NCOA3: variants seen among roughly 807,000 people sequenced by gnomAD.
NCOA3 encodes the protein nuclear receptor coactivator 3.
NCOA3 carries 51 observed loss-of-function variants against 158.8 expected under a neutral mutation model. The ratio of observed to expected loss-of-function variants is 0.32; its 90% CI spans 0.26 to 0.41. NCOA3 has a LOEUF of 0.41. Among genes scored for constraint, NCOA3 ranks in the 10% least tolerant of loss-of-function variants. NCOA3 has a pLI of 1.00. For synonymous variants in NCOA3, 537 were observed against 592.4 expected, an observed-to-expected ratio of 0.91 and a Z score of 1.36; for missense variants, 1,510 against 1,746.6, an observed-to-expected ratio of 0.86 and a Z score of 2.41.
chr20:47,642,141 A>G (rs1187998037), intron 16 of NCOA3, 72 bp from the exon 17 acceptor site: 7 of 1,118,224 alleles, frequency 6.3e-6, no homozygotes, highest in African/African-American at 4.7e-5. Flanking sequence ...AATACTATGC[A>G]TGGTTGCTGT....
intron 2 of NCOA3, among the ~76,000 whole-genome samples, chr20:47,603,075 T>C (rs776943604): frequency 6.6e-6 from 1 of 152,218 alleles, no homozygotes; most frequent in African/African-American, 2.4e-5. Flanking sequence ...ACAAATTCTT[T>C]TGACAGAGAA....
chr20:47,616,097 G>A (rs1343112796), intron 2 of NCOA3, among the ~76,000 whole-genome samples: 3 of 151,138 alleles, frequency 2.0e-5, no homozygotes, highest in Non-Finnish European at 4.4e-5. Flanking sequence ...GGTGGAGGTT[G>A]CAGTGAGCCG....
intron 2 of NCOA3, among the ~76,000 whole-genome samples, chr20:47,591,822 ATTTTCT>A (rs1242552349): frequency 6.8e-6 from 1 of 146,142 alleles, no homozygotes; most frequent in African/African-American, 2.6e-5. Flanking sequence ...TACTTTTAAG[ATTTTCT>A]TTTTACGTTT....
chr20:47,633,228 T>C (rs1223200924), intron 8 of NCOA3, among the ~76,000 whole-genome samples: 1 of 152,130 alleles, frequency 6.6e-6, no homozygotes, highest in Non-Finnish European at 1.5e-5. Flanking sequence ...CTCAGGAAAT[T>C]CTGAGGATTT....
chr20:47,600,490 A>G (rs1332310734), intron 2 of NCOA3, among the ~76,000 whole-genome samples: 10 of 150,064 alleles, frequency 6.7e-5, no homozygotes, highest in Non-Finnish European at 1.5e-4. Flanking sequence ...TTATAATTTT[A>G]AAAGCTTAAA....
intron 2 of NCOA3, among the ~76,000 whole-genome samples, chr20:47,611,118 T>C (rs565642119): frequency 3.9e-5 from 6 of 152,178 alleles, no homozygotes; most frequent in Non-Finnish European, 7.3e-5. Context: ...AACATTTACT[T>C]CTCAATACTG....
At chr20:47,624,242 T>G (rs560213217) in intron 4 of NCOA3, among the ~76,000 whole-genome samples, 159 bp downstream of exon 4, 3 of 152,330 alleles carry the variant, frequency 2.0e-5, no homozygotes, top group African/African-American at 7.2e-5. Context: ...TTTATTTCTA[T>G]TATGGTTACA....
At position 47,636,287 on chromosome 20, in the gene NCOA3, A is replaced by C. The variant is rs1443141918; in HGVS notation, c.1901A>C (p.His634Pro). ...ACCTGTTCTTCTGATGACCGGGGTCATTCCTCCTTGACCAACTCCCCCCTA... is the reference window on the plus strand; with the variant it reads ...ACCTGTTCTTCTGATGACCGGGGTCCTTCCTCCTTGACCAACTCCCCCCTA... The part of the protein sequence containing the change: ...LLTCSSDDRG[H>P]SSLTNSPLDS... Residue 634 changes from histidine to proline, a missense_variant, in exon 12 of 23, where the codon CAT becomes CCT. Physicochemically the swap from His to Pro is moderately conservative, Grantham distance 77 (BLOSUM62 -2). Transcript: ENST00000371998. 1 of 1,614,084 alleles carries C rather than the reference A, an allele frequency of 6.2e-7. No individual in the cohort carries two copies. The highest frequency in any genetic ancestry group is 8.5e-7 in the Non-Finnish European group (1 of 1,180,042).
intron 2 of NCOA3, among the ~76,000 whole-genome samples, chr20:47,614,921 A>C (rs2086108229): frequency 6.6e-6 from 1 of 152,172 alleles, no homozygotes; most frequent in Non-Finnish European, 1.5e-5. Flanking sequence ...GTTCTTACTG[A>C]TAAGCTGAGA....
chr20:47,594,369 G>T (rs574587079), intron 2 of NCOA3, among the ~76,000 whole-genome samples: 18 of 152,138 alleles, frequency 1.2e-4, no homozygotes, highest in African/African-American at 4.1e-4. Context: ...CAGATTAGAA[G>T]ATGAAAGTCT....
chr20:47,572,911 A>C (rs1236320635), intron 1 of NCOA3, among the ~76,000 whole-genome samples: 1 of 152,162 alleles, frequency 6.6e-6, no homozygotes, highest in Non-Finnish European at 1.5e-5. Flanking sequence ...AGAGACCACT[A>C]TAGGGTTATT....
intron 2 of NCOA3, among the ~76,000 whole-genome samples, chr20:47,609,676 C>T (rs1204179275): frequency 6.7e-6 from 1 of 150,236 alleles, no homozygotes; most frequent in Admixed American, 6.6e-5. Context: ...TTGTGGTGAG[C>T]CGAGATTGCA....
intron 2 of NCOA3, among the ~76,000 whole-genome samples, chr20:47,589,407 G>T (rs553809458): frequency 6.6e-6 from 1 of 151,308 alleles, no homozygotes; most frequent in South Asian, 2.1e-4. Context: ...ATAGAGTCTC[G>T]CTCTGTCACT....
At chr20:47,633,664 T>TA in intron 9 of NCOA3, 28 bp downstream of exon 9, 1 of 1,601,084 alleles carries the variant, frequency 6.2e-7, no homozygotes, top group South Asian at 1.1e-5. Context: ...TGATTGTTCT[T>TA]ATCATTTTAT....
chr20:47,534,386 A>G (rs541380059), intron 1 of NCOA3, among the ~76,000 whole-genome samples: 20 of 152,272 alleles, frequency 1.3e-4, no homozygotes, highest in South Asian at 1.0e-3. Context: ...TACCCACCAC[A>G]AGATGCTATA....
At chr20:47,586,220 A>G (rs2085533645) in intron 2 of NCOA3, among the ~76,000 whole-genome samples, 2 of 151,900 alleles carry the variant, frequency 1.3e-5, no homozygotes, top group Admixed American at 1.3e-4. Flanking sequence ...TGCTCGGCCA[A>G]TTTTTTCTTT....
chr20:47,651,290 T>G lies in NCOA3; in HGVS notation c.3946+14T>G. On this transcript the variant is annotated intron_variant, in intron 20 of 22. Transcript: ENST00000371998. ...AACCAAATTATGGTAAATCTGACAA[T>G]GAAAATGTGCCTTCCCCAAGTTAAC... 3 of 1,589,722 alleles carry G rather than the reference T, an allele frequency of 1.9e-6. No homozygotes were observed. The highest frequency in any genetic ancestry group is 2.6e-6 in the Non-Finnish European group (3 of 1,163,786).
chr20:47,579,053 A>G (rs541973018), intron 1 of NCOA3, among the ~76,000 whole-genome samples: 1 of 152,166 alleles, frequency 6.6e-6, no homozygotes, highest in South Asian at 2.1e-4. Flanking sequence ...GCTTTGAGGC[A>G]TATCTTCTCA....
chr20:47,558,821 T>C (rs1194412268), intron 1 of NCOA3, among the ~76,000 whole-genome samples: 3 of 29,902 alleles, frequency 1.0e-4, no homozygotes, highest in South Asian at 9.0e-4. Flanking sequence ...CTTTTTTCAC[T>C]TTTTTTTTTT....
Sources: gnomAD v4.1 joint callset for allele counts (sites outside exome capture counted in the v4.1 genomes callset) on GRCh38, gnomAD v4.1.1 for gene constraint, MANE v1.5 for transcripts, NCBI Gene and HGNC (gene_info 2026-07-23, HGNC 2026-07-21) for gene names.